Variants in OR56A3 observed in about 807,000 individuals in gnomAD.
The protein encoded by OR56A3 is olfactory receptor 56A3.
Under a neutral mutation model 17.5 loss-of-function variants are expected in OR56A3, and 23 were observed. The observed-to-expected ratio is 1.32, with a 90% CI of 0.95 to 1.87. The LOEUF (loss-of-function observed/expected upper bound fraction) is 1.87. OR56A3 is among the 40% of genes most tolerant of loss of function. OR56A3 has a pLI of 0.00. For synonymous variants in OR56A3, 175 were observed against 150.6 expected (o/e 1.16, Z -1.19); for missense variants, 366 against 380.1 (o/e 0.96, Z 0.31).
At chr11:6,008,419 G>A in the OR56A3 span, among the ~76,000 whole-genome samples, 6 of 152,126 alleles carry the variant, frequency 3.9e-5, no homozygotes, top group African/African-American at 1.4e-4. Context: ...TCAAGGAAAT[G>A]TATATTGCTA....
At chr11:6,004,856 G>A in the OR56A3 span, among the ~76,000 whole-genome samples, 2 of 152,048 alleles carry the variant, frequency 1.3e-5, no homozygotes, top group Admixed American at 1.3e-4. Flanking sequence ...TTAGTTCCTC[G>A]TCAGAATGCT....
chr11:5,968,490 G>A, the OR56A3 span: 6 of 1,549,690 alleles, frequency 3.9e-6, no homozygotes, highest in Non-Finnish European at 4.4e-6. Context: ...GCTGGGTAAT[G>A]TCATGAAATA....
At chr11:5,968,371 T>C in the OR56A3 span, 172 of 1,613,684 alleles carry the variant, frequency 1.1e-4, no homozygotes, top group Non-Finnish European at 1.3e-4. Flanking sequence ...TTGGCCCCCA[T>C]GGCCAGGAGG....
At chr11:5,965,007 G>C in the OR56A3 span, among the ~76,000 whole-genome samples, 1 of 152,012 alleles carries the variant, frequency 6.6e-6, no homozygotes, top group Non-Finnish European at 1.5e-5. Context: ...GGTTTTCTTA[G>C]CTCTTGTAAA....
chr11:5,990,628 G>A, the OR56A3 span, among the ~76,000 whole-genome samples: 2 of 152,286 alleles, frequency 1.3e-5, no homozygotes, highest in East Asian at 3.9e-4. Flanking sequence ...TAAAAAAGAA[G>A]AGGCAAGAAC....
At chr11:5,956,633 A>G in the OR56A3 span, among the ~76,000 whole-genome samples, 11 of 152,328 alleles carry the variant, frequency 7.2e-5, no homozygotes, top group East Asian at 1.4e-3. Context: ...TGAGAAGCCA[A>G]TGTGACTCCT....
At chr11:6,012,061 C>T in the OR56A3 span, among the ~76,000 whole-genome samples, 103,368 of 152,164 alleles carry the variant, frequency 0.68, 35,441 homozygotes, top group East Asian at 0.94. Context: ...GCTGTAGCTC[C>T]TCTTTTCACC....
chr11:5,989,072 C>T, the OR56A3 span, among the ~76,000 whole-genome samples: 2 of 152,326 alleles, frequency 1.3e-5, no homozygotes, highest in South Asian at 2.1e-4. Context: ...TGAAATGCCA[C>T]GTGGGCATAT....
the OR56A3 span, among the ~76,000 whole-genome samples, chr11:5,998,049 A>G: frequency 6.6e-6 from 1 of 152,200 alleles, no homozygotes; most frequent in Admixed American, 6.5e-5. Context: ...AGGAAACTGG[A>G]GAGGATGCTG....
the OR56A3 span, chr11:5,993,947 T>A: frequency 4.5e-6 from 2 of 446,332 alleles, no homozygotes; most frequent in African/African-American, 4.0e-5. Context: ...GGTGGTAGTC[T>A]TTTGAATGGT....
Position 5,949,743 on chromosome 11 carries a change from C to T in OR56A3, c.*1449C>T, listed in dbSNP as rs1382111346. On this transcript the variant is annotated 3_prime_UTR_variant, in exon 3 of 3. Coordinates refer to ENST00000641160, the MANE Select transcript of OR56A3 (RefSeq NM_001003443.3). ...CTCAAGCAGAATTCCGCAGAGCTCT[C>T]TCCGTTCATTTCTCTTCTCCATCTT... is the stretch of plus-strand genomic sequence containing the variant. 6.6e-6 allele frequency: 1 copy of T among 152,102 alleles called. No individual in the cohort carries two copies. Among genetic ancestry groups the T allele is most frequent in the African/African-American group, 2.4e-5 (1 of 41,412 alleles). The allele number at this position is 152,102 out of a possible 1,614,324, so 9.4% of individuals were successfully genotyped here. A position where few individuals can be genotyped will look rare whatever the true frequency, so the allele number is the denominator to read the frequency against.
chr11:5,953,964 G>A (rs1200565544), downstream of OR56A3, among the ~76,000 whole-genome samples: 7 of 151,932 alleles, frequency 4.6e-5, no homozygotes, highest in African/African-American at 1.7e-4. Flanking sequence ...AAAGTTGCAG[G>A]GGAAAAAAGG....
the OR56A3 span, among the ~76,000 whole-genome samples, chr11:5,966,694 C>G: frequency 6.6e-6 from 1 of 151,968 alleles, no homozygotes; most frequent in Non-Finnish European, 1.5e-5. Flanking sequence ...CTATGCTGGC[C>G]AGGGACAGGA....
chr11:5,977,095 T>A, the OR56A3 span, among the ~76,000 whole-genome samples: 1 of 152,184 alleles, frequency 6.6e-6, no homozygotes, highest in Non-Finnish European at 1.5e-5. Context: ...GTAACACATT[T>A]TCTTTATCCA....
At chr11:5,982,653 C>A in the OR56A3 span, among the ~76,000 whole-genome samples, 1 of 152,128 alleles carries the variant, frequency 6.6e-6, no homozygotes, top group Non-Finnish European at 1.5e-5. Flanking sequence ...GCATGGCAAG[C>A]CTTGGGGGAT....
chr11:5,986,566 A>G, the OR56A3 span: 150 of 1,613,980 alleles, frequency 9.3e-5, no homozygotes, highest in Non-Finnish European at 1.2e-4. Context: ...GAATGCATGG[A>G]TGAAGAACAT....
Position 5,947,841 on chromosome 11 carries a change from C to T in OR56A3, c.495C>T (p.Ile165=), listed in dbSNP as rs747222635. 7.4e-6 allele frequency: 12 copies of T among 1,614,084 alleles called. No homozygotes were observed. Among genetic ancestry groups the T allele is most frequent in the Admixed American group, 1.7e-5 (1 of 60,010 alleles). The change falls in exon 3 of 3, where the codon ATC becomes ATT. Residue 165 remains isoleucine (I), a synonymous_variant. Coordinates refer to ENST00000641160, the MANE Select transcript of OR56A3 (RefSeq NM_001003443.3). ...TGCTTATGACTCTGCCCATCCCCAT[C>T]CTTTCAGCACAACTCCGTTATTGTG... is the stretch of plus-strand genomic sequence containing the variant. ...RNVLMTLPIP[I]LSAQLRYCGR... is the part of the protein sequence containing the mutation.
At chr11:6,011,614 G>T in the OR56A3 span, among the ~76,000 whole-genome samples, 3 of 152,278 alleles carry the variant, frequency 2.0e-5, no homozygotes, top group Middle Eastern at 3.4e-3. Context: ...GATCTTTGGG[G>T]TGTCGCTTTT....
At chr11:5,966,727 C>T in the OR56A3 span, among the ~76,000 whole-genome samples, 1 of 152,024 alleles carries the variant, frequency 6.6e-6, no homozygotes, top group South Asian at 2.1e-4. Flanking sequence ...GACAAGAGGA[C>T]TGAAAGTAGG....
Sources: gnomAD v4.1 joint callset for allele counts (sites outside exome capture counted in the v4.1 genomes callset) on GRCh38, gnomAD v4.1.1 for gene constraint, MANE v1.5 for transcripts, NCBI Gene and HGNC (gene_info 2026-07-23, HGNC 2026-07-21) for gene names.